Variants in CAMKMT observed in about 807,000 individuals in gnomAD.
The protein encoded by CAMKMT is CaM KMT.
CAMKMT carries 53 observed loss-of-function variants against 48.0 expected under a neutral mutation model. The observed-to-expected ratio is 1.10, with a 90% CI of 0.89 to 1.39. The LOEUF (loss-of-function observed/expected upper bound fraction) is 1.39, where lower values mean the gene tolerates loss of function less well. Ranked by LOEUF, CAMKMT falls within the 40% of genes most tolerant of loss-of-function variation. The probability of loss-of-function intolerance (pLI) is 0.00; values close to 1 mark genes in which losing one functional copy is unlikely to be tolerated. For synonymous variants in CAMKMT, 165 were observed against 152.3 expected (o/e 1.08, Z -0.61); for missense variants, 428 against 402.7 (o/e 1.06, Z -0.54).
chr2:44,545,197 C>G (rs1667329625), intron 3 of CAMKMT, among the ~76,000 whole-genome samples: 1 of 152,194 alleles, frequency 6.6e-6, no homozygotes, highest in Admixed American at 6.5e-5. Context: ...AACATTGTGT[C>G]CTGCTCTTAG....
At chr2:44,603,932 A>C (rs1671141714) in intron 3 of CAMKMT, among the ~76,000 whole-genome samples, 1 of 152,022 alleles carries the variant, frequency 6.6e-6, no homozygotes, top group African/African-American at 2.4e-5. Flanking sequence ...TGTGTAGATA[A>C]CACCAACACT....
chr2:44,414,800 C>T (rs1683439017), intron 3 of CAMKMT, among the ~76,000 whole-genome samples: 2 of 152,146 alleles, frequency 1.3e-5, no homozygotes. Flanking sequence ...TGTAAGTCTC[C>T]AAAGCTACAC....
chr2:44,428,461 G>A (rs556572413), intron 3 of CAMKMT, among the ~76,000 whole-genome samples: 1 of 152,102 alleles, frequency 6.6e-6, no homozygotes, highest in Admixed American at 6.5e-5. Context: ...AAGTGTGGGG[G>A]GCAAAAAGGC....
intron 2 of CAMKMT, among the ~76,000 whole-genome samples, chr2:44,376,852 T>G (rs1295528121): frequency 1.3e-5 from 2 of 152,184 alleles, no homozygotes; most frequent in Non-Finnish European, 2.9e-5. Flanking sequence ...ATGTAAAAGT[T>G]AGGTTACAAA....
chr2:44,557,454 C>T (rs1007534261), intron 3 of CAMKMT, among the ~76,000 whole-genome samples: 120 of 152,114 alleles, frequency 7.9e-4, no homozygotes, highest in African/African-American at 2.8e-3. Flanking sequence ...GTTTAGAGGG[C>T]AGTCCTTTTT....
At chr2:44,517,381 A>C (rs570271795) in intron 3 of CAMKMT, among the ~76,000 whole-genome samples, 1 of 152,228 alleles carries the variant, frequency 6.6e-6, no homozygotes, top group Non-Finnish European at 1.5e-5. Context: ...AAATACAGCA[A>C]TAATTTTTCA....
At chr2:44,609,570 C>T (rs1270391880) in intron 3 of CAMKMT, among the ~76,000 whole-genome samples, 3 of 152,128 alleles carry the variant, frequency 2.0e-5, no homozygotes, top group Non-Finnish European at 4.4e-5. Context: ...ATTTTAATCC[C>T]TGTGGGTAAA....
chr2:44,627,521 T>A (rs1445389546), intron 3 of CAMKMT, among the ~76,000 whole-genome samples: 5 of 151,978 alleles, frequency 3.3e-5, no homozygotes, highest in African/African-American at 9.7e-5. Flanking sequence ...ACCTGGAGTG[T>A]GTTTGGGAAA....
intron 2 of CAMKMT, among the ~76,000 whole-genome samples, chr2:44,377,904 A>G (rs1488465103): frequency 1.3e-5 from 2 of 152,172 alleles, no homozygotes; most frequent in Admixed American, 6.5e-5. Context: ...TAGCTTGTGA[A>G]TGTTCAGTAA....
chr2:44,442,476 A>G lies in CAMKMT; in HGVS notation c.376+52171A>G, dbSNP rs141680339. 2.4e-3 allele frequency among the ~76,000 whole-genome samples: 360 copies of G among 152,336 alleles called. 1 individual carries two copies. Among genetic ancestry groups the G allele is most frequent in the African/African-American group, 8.3e-3 (346 of 41,574 alleles). On this transcript the variant is annotated intron_variant, in intron 3 of 10. Transcript: ENST00000378494. ...GCACCCTTGTAGTCCTTCACAGAACAGACTTGAAACCTATGGTTTCTAGGC... is the reference window on the plus strand; with the variant it reads ...GCACCCTTGTAGTCCTTCACAGAACGGACTTGAAACCTATGGTTTCTAGGC...
Position 44,394,813 on chromosome 2 carries a change from C to G in CAMKMT, c.376+4508C>G, listed in dbSNP as rs1045796902. 4 of 453,482 alleles carry G rather than the reference C, an allele frequency of 8.8e-6. No individual in the cohort carries two copies. The Admixed American group carries it at 9.4e-5, about 11-fold the overall frequency. The allele number at this position is 453,482 out of a possible 1,614,324, so 28.1% of individuals were successfully genotyped here. A position where few individuals can be genotyped will look rare whatever the true frequency, so the allele number is the denominator to read the frequency against. ...ATCTGTTTGTCTGTTTGTGATGTAT[C>G]TAAAACTGATCTCTTTTGGGGTGGT... On this transcript the variant is annotated intron_variant, in intron 3 of 10. Transcript: ENST00000378494.
At chr2:44,491,391 G>A (rs1160313241) in intron 3 of CAMKMT, among the ~76,000 whole-genome samples, 1 of 152,004 alleles carries the variant, frequency 6.6e-6, no homozygotes, top group Non-Finnish European at 1.5e-5. Flanking sequence ...AATGCCAGTG[G>A]TAAAATACCT....
At chr2:44,648,859 A>G (rs1673901126) in intron 3 of CAMKMT, among the ~76,000 whole-genome samples, 1 of 152,218 alleles carries the variant, frequency 6.6e-6, no homozygotes, top group Admixed American at 6.5e-5. Context: ...AGTAAAAACA[A>G]AAACATGAGC....
At position 44,460,742 on chromosome 2, in the gene CAMKMT, A is replaced by G. The variant is rs566316492; in HGVS notation, c.376+70437A>G. Among the ~76,000 whole-genome samples the G allele has an allele frequency of 1.8e-3, 238 of 129,318 alleles. 2 individuals carry two copies. Among genetic ancestry groups the G allele is most frequent in the Non-Finnish European group, 2.9e-3 (182 of 63,328 alleles). 84.8% of individuals were successfully genotyped at this position (129,318 alleles called of 152,430 possible). On this transcript the variant is annotated intron_variant, in intron 3 of 10. Coordinates refer to ENST00000378494, the MANE Select transcript of CAMKMT (RefSeq NM_024766.5). ...TTTTTTTTTTTTTTTTTTTTTTGAG[A>G]CAGAGTCTTGCTCTGTCACCCAGGC...
At chr2:44,462,474 T>C (rs1056254900) in intron 3 of CAMKMT, among the ~76,000 whole-genome samples, 4 of 152,178 alleles carry the variant, frequency 2.6e-5, no homozygotes, top group Admixed American at 2.6e-4. Context: ...TAGTTTTTAA[T>C]GACCTACTCT....
intron 3 of CAMKMT, among the ~76,000 whole-genome samples, chr2:44,511,905 AC>A (rs1004014878): frequency 1.3e-5 from 2 of 151,770 alleles, no homozygotes; most frequent in South Asian, 2.1e-4. Flanking sequence ...TACTCTGCCC[AC>A]CCCCCATCTT....
intron 3 of CAMKMT, among the ~76,000 whole-genome samples, chr2:44,477,511 A>G (rs1668749383): frequency 6.6e-6 from 1 of 152,234 alleles, no homozygotes; most frequent in South Asian, 2.1e-4. Flanking sequence ...AACTCAATAA[A>G]CAATTTAAAA....
rs1454945605 is a variant in CAMKMT, at chr2:44,686,384, C to G, written c.377-17899C>G. On this transcript the variant is annotated intron_variant, in intron 3 of 10. Coordinates refer to ENST00000378494, the MANE Select transcript of CAMKMT (RefSeq NM_024766.5). ...CTCCAGCCTGGGCAACAGAGCGAGA[C>G]TCTGCCTCAAAAAAAAAAAAAAACA... Among the ~76,000 whole-genome samples, 8 of 140,306 alleles carry G rather than the reference C, an allele frequency of 5.7e-5. No homozygotes were observed. The East Asian group carries it at 1.6e-3, about 29-fold the overall frequency. The allele number at this position is 140,306 out of a possible 152,430, so 92.0% of individuals were successfully genotyped here.
intron 3 of CAMKMT, among the ~76,000 whole-genome samples, chr2:44,662,726 G>A (rs979434496): frequency 2.0e-5 from 3 of 152,018 alleles, no homozygotes; most frequent in African/African-American, 7.3e-5. Flanking sequence ...ACCATGCCAG[G>A]TTAAATTTTA....
Sources: gnomAD v4.1 joint callset for allele counts (sites outside exome capture counted in the v4.1 genomes callset) on GRCh38, gnomAD v4.1.1 for gene constraint, MANE v1.5 for transcripts, NCBI Gene and HGNC (gene_info 2026-07-23, HGNC 2026-07-21) for gene names.